The following LPP variants were observed in gnomAD, a reference collection of about 807,000 sequenced individuals.
The protein encoded by LPP is lipoma-preferred partner.
Under a neutral mutation model 60.4 loss-of-function variants are expected in LPP, and 38 were observed. The ratio of observed to expected loss-of-function variants is 0.63; its 90% CI spans 0.49 to 0.83. The LOEUF is 0.83. LPP is among the 40% of genes least tolerant of loss of function. The probability of loss-of-function intolerance (pLI) is 0.00; values close to 1 mark genes in which losing one functional copy is unlikely to be tolerated. For missense variants in LPP, 902 were observed against 783.6 expected (o/e 1.15, Z -1.80); for synonymous variants, 328 against 290.8 (o/e 1.13, Z -1.30).
chr3:188,198,315 T>C (rs1252914429), intron 1 of LPP, among the ~76,000 whole-genome samples: 8 of 152,236 alleles, frequency 5.3e-5, no homozygotes, highest in Non-Finnish European at 1.2e-4. Context: ...TGTTTTGAAA[T>C]GATAGAAACT....
intron 8 of LPP, among the ~76,000 whole-genome samples, chr3:188,744,914 G>C (rs745579417): frequency 6.6e-6 from 1 of 152,130 alleles, no homozygotes; most frequent in Non-Finnish European, 1.5e-5. Context: ...CTGCCCTCTT[G>C]GTTTTGAATG....
intron 2 of LPP, among the ~76,000 whole-genome samples, chr3:188,268,749 C>G (rs926703173): frequency 5.3e-5 from 8 of 152,190 alleles, no homozygotes; most frequent in African/African-American, 1.7e-4. Flanking sequence ...TACTGACTTA[C>G]GCCATTGTGC....
intron 9 of LPP, among the ~76,000 whole-genome samples, chr3:188,778,595 T>C (rs1471765846): frequency 6.6e-6 from 1 of 152,144 alleles, no homozygotes; most frequent in African/African-American, 2.4e-5. Flanking sequence ...CAGCATTTCC[T>C]AAAATTGCTA....
chr3:188,469,864 TCA>T (rs1454199147), intron 4 of LPP, among the ~76,000 whole-genome samples: 1 of 152,136 alleles, frequency 6.6e-6, no homozygotes, highest in African/African-American at 2.4e-5. Flanking sequence ...AAGAATAATC[TCA>T]CAGTAAAAAT....
At chr3:188,216,564 C>A (rs1228322088) in intron 1 of LPP, among the ~76,000 whole-genome samples, 1 of 152,210 alleles carries the variant, frequency 6.6e-6, no homozygotes, top group Non-Finnish European at 1.5e-5. Flanking sequence ...AGCCACCACA[C>A]CCCACCTAAC....
Position 188,550,375 on chromosome 3 carries a change from G to A in LPP, c.429+25588G>A, listed in dbSNP as rs557888222. On this transcript the variant is annotated intron_variant, in intron 6 of 11. Transcript: ENST00000617246. ...GGGTGGATCACAAGGTCAGGAGATC[G>A]AGACCATCCTGGCTAACATGGTGAA... Among the ~76,000 whole-genome samples the A allele has an allele frequency of 8.6e-5, 13 of 151,954 alleles. 1 individual carries two copies. Among genetic ancestry groups the A allele is most frequent in the Admixed American group, 3.3e-4 (5 of 15,254 alleles).
chr3:188,685,836 T>C (rs1860590204), intron 7 of LPP, among the ~76,000 whole-genome samples: 1 of 152,152 alleles, frequency 6.6e-6, no homozygotes, highest in Non-Finnish European at 1.5e-5. Flanking sequence ...CAAGCTTCTC[T>C]ACTACTTTTC....
chr3:188,761,465 T>C (rs899760460), intron 9 of LPP, among the ~76,000 whole-genome samples: 1 of 152,212 alleles, frequency 6.6e-6, no homozygotes, highest in Non-Finnish European at 1.5e-5. Flanking sequence ...ACATCATTTC[T>C]TTCCAAAGGT....
chr3:188,572,059 G>T lies in LPP; in HGVS notation c.430-37102G>T, dbSNP rs1391147612. Among the ~76,000 whole-genome samples, 1 of 151,948 alleles carries T rather than the reference G, an allele frequency of 6.6e-6. No individual in the cohort carries two copies. Among genetic ancestry groups the T allele is most frequent in the Non-Finnish European group, 1.5e-5 (1 of 67,980 alleles). ...CCCCTTTTTTATTAAGACTCTTGAT[G>T]GCCCAGAGGTCAGTATAATGAGGAA... On this transcript the variant is annotated intron_variant, in intron 6 of 11. Coordinates refer to ENST00000617246, the MANE Select transcript of LPP (RefSeq NM_001375462.1). The surrounding 1 kb of genome is among the most constrained non-coding windows in gnomAD (Gnocchi z 4.1).
intron 4 of LPP, among the ~76,000 whole-genome samples, chr3:188,448,903 C>G (rs141130741): frequency 0.012 from 1,854 of 152,290 alleles, 31 homozygotes; most frequent in African/African-American, 0.043. Flanking sequence ...TCTTTTTAAA[C>G]TGTATTCTAC....
intron 7 of LPP, among the ~76,000 whole-genome samples, chr3:188,626,924 A>C (rs1407190632): frequency 6.6e-6 from 1 of 151,478 alleles, no homozygotes; most frequent in Non-Finnish European, 1.5e-5. Flanking sequence ...CAAAAATCAC[A>C]TTAATAAAAG....
chr3:188,647,311 C>A (rs1481887563), intron 7 of LPP, among the ~76,000 whole-genome samples: 1 of 152,044 alleles, frequency 6.6e-6, no homozygotes, highest in African/African-American at 2.4e-5. Flanking sequence ...CGGTAAAGAG[C>A]GTCTGCTGCG....
At chr3:188,379,074 A>G (rs1020425822) in intron 3 of LPP, among the ~76,000 whole-genome samples, 2 of 152,094 alleles carry the variant, frequency 1.3e-5, no homozygotes, top group East Asian at 3.9e-4. Context: ...AGGCCAAGAT[A>G]AGGACCATTT....
At chr3:188,705,645 T>C (rs112983299) in intron 7 of LPP, among the ~76,000 whole-genome samples, 1,832 of 152,008 alleles carry the variant, frequency 0.012, 45 homozygotes, top group African/African-American at 0.042. Context: ...GGGGGGAAAA[T>C]AGAATCTCCC....
intron 3 of LPP, among the ~76,000 whole-genome samples, chr3:188,366,259 C>T (rs1028921307): frequency 5.3e-5 from 8 of 152,136 alleles, no homozygotes; most frequent in East Asian, 1.9e-4. Flanking sequence ...GGTAATACAC[C>T]GCATTTTCTT....
rs1381213984 is a variant in LPP at position 188,352,314 on chromosome 3, T to C, written c.-10+10595T>C. Among the ~76,000 whole-genome samples, 1 of 152,222 alleles carries C rather than the reference T, an allele frequency of 6.6e-6. No homozygotes were observed. Among genetic ancestry groups the C allele is most frequent in the Non-Finnish European group, 1.5e-5 (1 of 68,048 alleles). On this transcript the variant is annotated intron_variant, in intron 3 of 11. Coordinates refer to ENST00000617246, the MANE Select transcript of LPP (RefSeq NM_001375462.1). The surrounding 1 kb of genome is among the most constrained non-coding windows in gnomAD (Gnocchi z 4.4). ...AAATGTGGCAGCTGCGCACACGTAT[T>C]GGCTGCTTTTTCTCCCCACCTTTGG...
chr3:188,696,032 G>T (rs1174725516), intron 7 of LPP, among the ~76,000 whole-genome samples: 1 of 152,126 alleles, frequency 6.6e-6, no homozygotes, highest in Non-Finnish European at 1.5e-5. Flanking sequence ...AAGAAGAAAT[G>T]ATTTCATGCA....
chr3:188,546,573 A>G (rs1826710775), intron 6 of LPP, among the ~76,000 whole-genome samples: 1 of 152,164 alleles, frequency 6.6e-6, no homozygotes, highest in African/African-American at 2.4e-5. Context: ...CTTTAATTTA[A>G]TAAGACATAT....
chr3:188,496,562 G>A (rs1484056509), intron 5 of LPP, among the ~76,000 whole-genome samples: 1 of 152,234 alleles, frequency 6.6e-6, no homozygotes, highest in Non-Finnish European at 1.5e-5. Flanking sequence ...AGGTTAAGCA[G>A]CATTCCAGGT....
Sources: allele counts gnomAD v4.1 joint callset (sites outside exome capture counted in the v4.1 genomes callset), GRCh38; gene constraint gnomAD v4.1.1; non-coding constraint Gnocchi (gnomAD v3.1); transcripts MANE v1.5; gene names NCBI Gene and HGNC (gene_info 2026-07-23, HGNC 2026-07-21).